Variants in SAMD5 observed in about 807,000 individuals in gnomAD.
SAMD5 encodes sterile alpha motif domain containing 5.
In SAMD5, 13 loss-of-function variants were observed where a neutral mutation model predicts 11.3. That is an observed-to-expected ratio of 1.15 (90% CI 0.75 to 1.83). The LOEUF is 1.83. Among genes scored for constraint, SAMD5 ranks in the 40% most tolerant of loss-of-function variants. SAMD5 has a pLI of 0.00. For missense variants in SAMD5, 255 were observed against 239.1 expected, an observed-to-expected ratio of 1.07 and a Z score of -0.44; for synonymous variants, 129 against 111.3, an observed-to-expected ratio of 1.16 and a Z score of -1.00.
chr6:147,835,247 C>CAAAA, the SAMD5 span, among the ~76,000 whole-genome samples: 8 of 137,960 alleles, frequency 5.8e-5, no homozygotes, highest in African/African-American at 2.3e-4. Context: ...AAAAAAAAAA[C>CAAAA]AAAAAAAACA....
intron 1 of SAMD5, among the ~76,000 whole-genome samples, chr6:147,608,393 T>C (rs1376706897): frequency 6.6e-6 from 1 of 152,224 alleles, no homozygotes; most frequent in African/African-American, 2.4e-5. Flanking sequence ...GCAACCTAAG[T>C]GTCCATCAGC....
At chr6:147,835,103 G>T in the SAMD5 span, among the ~76,000 whole-genome samples, 1 of 151,974 alleles carries the variant, frequency 6.6e-6, no homozygotes, top group Non-Finnish European at 1.5e-5. Context: ...TGTGGTGGCA[G>T]TTGCCTGTAA....
chr6:147,790,634 G>A, the SAMD5 span, among the ~76,000 whole-genome samples: 1 of 152,290 alleles, frequency 6.6e-6, no homozygotes, highest in South Asian at 2.1e-4. Flanking sequence ...AGATTTGTGT[G>A]TGAGTATGGG....
chr6:147,593,568 A>G (rs933091882), intron 1 of SAMD5, among the ~76,000 whole-genome samples: 1 of 152,200 alleles, frequency 6.6e-6, no homozygotes, highest in African/African-American at 2.4e-5. Flanking sequence ...AAGTGTTAGT[A>G]TTAGTCACTT....
the SAMD5 span, among the ~76,000 whole-genome samples, chr6:147,881,329 C>G: frequency 8.5e-5 from 13 of 152,144 alleles, no homozygotes; most frequent in African/African-American, 3.1e-4. Context: ...CTAACAGGAT[C>G]ATTTAGATGC....
chr6:147,862,086 A>G, the SAMD5 span, among the ~76,000 whole-genome samples: 1 of 152,148 alleles, frequency 6.6e-6, no homozygotes, highest in Non-Finnish European at 1.5e-5. Flanking sequence ...AATTGAGCAG[A>G]TAAGTCCATT....
At chr6:147,676,437 C>G (rs890065519) in intron 1 of SAMD5, among the ~76,000 whole-genome samples, 4 of 152,216 alleles carry the variant, frequency 2.6e-5, no homozygotes, top group Non-Finnish European at 5.9e-5. Context: ...CTTCCCAACT[C>G]TCAGCACTCA....
At chr6:147,697,026 C>T (rs1257863076) in intron 1 of SAMD5, among the ~76,000 whole-genome samples, 1 of 152,100 alleles carries the variant, frequency 6.6e-6, no homozygotes, top group African/African-American at 2.4e-5. Context: ...CTGGTGAGGC[C>T]CACTTCCTCG....
the SAMD5 span, among the ~76,000 whole-genome samples, chr6:147,882,420 G>A: frequency 1.1e-4 from 16 of 152,208 alleles, no homozygotes; most frequent in Non-Finnish European, 1.9e-4. Context: ...CTGAGTCTAC[G>A]TAAAATGTTT....
chr6:147,738,915 C>G (rs978848920), downstream of SAMD5, among the ~76,000 whole-genome samples: 4 of 152,190 alleles, frequency 2.6e-5, no homozygotes, highest in African/African-American at 9.7e-5. Context: ...AAGCACACCA[C>G]ACACCCCCAC....
At chr6:147,865,371 G>A in the SAMD5 span, among the ~76,000 whole-genome samples, 2 of 149,730 alleles carry the variant, frequency 1.3e-5, no homozygotes, top group African/African-American at 4.9e-5. Context: ...ATAGAAAGAG[G>A]GAGAGAGATA....
chr6:147,793,358 G>A, the SAMD5 span, among the ~76,000 whole-genome samples: 18 of 152,168 alleles, frequency 1.2e-4, no homozygotes, highest in Non-Finnish European at 2.9e-5. Context: ...AGCAAGGAAA[G>A]TCTAAGAAAC....
At chr6:147,750,635 GA>G in the SAMD5 span, among the ~76,000 whole-genome samples, 7 of 152,238 alleles carry the variant, frequency 4.6e-5, no homozygotes, top group Admixed American at 1.3e-4. Context: ...TTCAAACACA[GA>G]TGACTGGGCC....
chr6:147,618,580 C>G (rs1457177661), intron 1 of SAMD5, among the ~76,000 whole-genome samples: 3 of 152,190 alleles, frequency 2.0e-5, no homozygotes, highest in African/African-American at 4.8e-5. Flanking sequence ...ATCAGAAACG[C>G]AGGGTGACTG....
At chr6:147,608,604 A>C (rs1353464198) in intron 1 of SAMD5, among the ~76,000 whole-genome samples, 1 of 152,156 alleles carries the variant, frequency 6.6e-6, no homozygotes. Flanking sequence ...AGTTGAACTC[A>C]TGGTTATAGA....
the SAMD5 span, among the ~76,000 whole-genome samples, chr6:147,865,518 A>G: frequency 2.6e-5 from 4 of 152,204 alleles, no homozygotes; most frequent in Non-Finnish European, 5.9e-5. Context: ...TTATTCCAAT[A>G]GTAATTTAGC....
Position 147,687,172 on chromosome 6 carries a change from CA to C in SAMD5, c.163-50143del, listed in dbSNP as rs1791024095. ...AAGGCATAATTACTATTCATTTACA[CA>C]ATCAGTATTCATTTAGATATATTCT... is the stretch of plus-strand genomic sequence containing the variant. On this transcript the variant is annotated intron_variant, in intron 1 of 1. Coordinates refer to the SAMD5 transcript ENST00000566741. 3.3e-5 allele frequency among the ~76,000 whole-genome samples: 5 copies of C among 151,876 alleles called. No homozygotes were observed. The South Asian group carries it at 1.0e-3, about 32-fold the overall frequency.
At chr6:147,614,238 C>A (rs555348160) in intron 1 of SAMD5, among the ~76,000 whole-genome samples, 1 of 151,722 alleles carries the variant, frequency 6.6e-6, no homozygotes, top group African/African-American at 2.4e-5. Flanking sequence ...GAGGCAGAGG[C>A]GGGCAGATCA....
the SAMD5 span, among the ~76,000 whole-genome samples, chr6:147,801,444 G>A: frequency 6.6e-6 from 1 of 151,994 alleles, no homozygotes; most frequent in South Asian, 2.1e-4. Flanking sequence ...GAATGACAGA[G>A]GTAAACACAG....
Sources: allele counts gnomAD v4.1 joint callset (sites outside exome capture counted in the v4.1 genomes callset), GRCh38; gene constraint gnomAD v4.1.1; transcripts MANE v1.5; gene names NCBI Gene and HGNC (gene_info 2026-07-23, HGNC 2026-07-21).